The following PAK6 variants were observed in gnomAD, a reference collection of about 807,000 sequenced individuals.
The protein encoded by PAK6 is p21 (RAC1) activated kinase 6.
PAK6 carries 33 observed loss-of-function variants against 60.8 expected under a neutral mutation model. The observed-to-expected ratio is 0.54, with a 90% CI of 0.41 to 0.73. The LOEUF is 0.73. Ranked by LOEUF, PAK6 falls within the 30% of genes least tolerant of loss-of-function variation. The pLI is 0.00. For missense variants in PAK6, 845 were observed against 904.1 expected (o/e 0.93, Z 0.84); for synonymous variants, 404 against 378.5 (o/e 1.07, Z -0.78).
intron 5 of PAK6, among the ~76,000 whole-genome samples, chr15:40,269,657 A>G (rs1951006738): frequency 6.6e-6 from 1 of 152,134 alleles, no homozygotes; most frequent in Non-Finnish European, 1.5e-5. Flanking sequence ...AAGCCAACGA[A>G]AGGATGCTAG....
At chr15:40,266,153 G>A in exon 5 of PAK6, 1 of 1,609,154 alleles carries the variant, frequency 6.2e-7, no homozygotes, top group South Asian at 1.1e-5. Context: ...TGCCCAATGG[G>A]CTGGCTGCAA....
chr15:40,268,638 AG>A (rs1226476750), intron 5 of PAK6, among the ~76,000 whole-genome samples: 1 of 152,182 alleles, frequency 6.6e-6, no homozygotes, highest in Non-Finnish European at 1.5e-5. Flanking sequence ...TGGCTGCAGG[AG>A]GGTCTGAGTA....
chr15:40,264,595 C>A, intron 3 of PAK6, 186 bp from the exon 4 acceptor site: 1 of 638,524 alleles, frequency 1.6e-6, no homozygotes, highest in Non-Finnish European at 2.8e-6. Context: ...TTTGTTGTTT[C>A]TGGGACTGTT....
At chr15:40,253,082 G>C in intron 2 of PAK6, 96 bp from the exon 3 acceptor site, 1 of 404,040 alleles carries the variant, frequency 2.5e-6, no homozygotes, top group East Asian at 7.4e-5. Context: ...GGCGGGCGCG[G>C]AGCGGTTCCC....
At chr15:40,276,393 A>C in exon 11 of PAK6, 5 of 338,842 alleles carry the variant, frequency 1.5e-5, no homozygotes, top group Admixed American at 4.5e-5. Context: ...TGCAGCCAAC[A>C]CAGTAGAAAA....
intron 3 of PAK6, among the ~76,000 whole-genome samples, chr15:40,258,314 A>G (rs75293358): frequency 6.6e-6 from 1 of 152,198 alleles, no homozygotes; most frequent in East Asian, 1.9e-4. Flanking sequence ...GAAGAACCAC[A>G]GCTGACTCAG....
At chr15:40,254,639 C>T (rs963048554) in intron 3 of PAK6, among the ~76,000 whole-genome samples, 13 of 152,160 alleles carry the variant, frequency 8.5e-5, no homozygotes, top group Admixed American at 2.6e-4. Context: ...CTGTGTGATC[C>T]AGAGCAGGTC....
chr15:40,273,458 A>G (rs1443856744), exon 8 of PAK6: 1 of 1,613,288 alleles, frequency 6.2e-7, no homozygotes, highest in South Asian at 1.1e-5. Context: ...CATCCTGCTG[A>G]CCCTCGATGG....
chr15:40,250,320 A>G (rs925087681), intron 2 of PAK6, among the ~76,000 whole-genome samples: 2 of 152,136 alleles, frequency 1.3e-5, no homozygotes, highest in African/African-American at 4.8e-5. Flanking sequence ...GGATCGTGCA[A>G]CCCGGTGCAG....
At chr15:40,267,802 G>A (rs1167462657) in intron 5 of PAK6, among the ~76,000 whole-genome samples, 10 of 152,218 alleles carry the variant, frequency 6.6e-5, no homozygotes, top group Non-Finnish European at 1.5e-5. Context: ...CAGGGTGTCT[G>A]GAAGGCTGTG....
chr15:40,262,420 C>G (rs1413182767), intron 3 of PAK6, among the ~76,000 whole-genome samples: 1 of 152,192 alleles, frequency 6.6e-6, no homozygotes, highest in Non-Finnish European at 1.5e-5. Context: ...AAGAGAATCA[C>G]TTGAACCCGG....
intron 10 of PAK6, 56 bp downstream of exon 10, chr15:40,274,332 GGACC>G: frequency 6.6e-7 from 1 of 1,515,900 alleles, no homozygotes; most frequent in South Asian, 1.3e-5. Flanking sequence ...TGAGGCAAGG[GGACC>G]AGAACCTGGG....
At chr15:40,264,945 G>A (rs147960311) in exon 4 of PAK6, 4 of 1,613,604 alleles carry the variant, frequency 2.5e-6, no homozygotes, top group Admixed American at 3.3e-5. Context: ...CAAGCCCGTG[G>A]TGGACCCTTC....
chr15:40,259,782 G>C (rs1461912923), intron 3 of PAK6: 1 of 33,928 alleles, frequency 2.9e-5, no homozygotes, highest in Non-Finnish European at 5.5e-5. Context: ...GTGAAACGCT[G>C]TCTCAAAAAA....
chr15:40,265,959 CGGCGGCG>C lies in PAK6; in HGVS notation c.326_332del (p.Arg109HisfsTer107). 6.2e-7 allele frequency: 1 copy of C among 1,605,138 alleles called. No homozygotes were observed. The highest frequency in any genetic ancestry group is 1.1e-5 in the South Asian group (1 of 90,102). ...CCTGCGTGGCCGCAGCCCCACCAGCCGGCGGCGGGCACAGTCCCTGGGGCTGCTGGGG... is the reference window on the plus strand; with the variant it reads ...CCTGCGTGGCCGCAGCCCCACCAGCCGGCACAGTCCCTGGGGCTGCTGGGG... On this transcript the variant is annotated frameshift_variant, in exon 5 of 11. Transcript: ENST00000560346. LOFTEE classifies it high-confidence loss of function.
intron 3 of PAK6, 38 bp downstream of exon 3, chr15:40,253,327 G>A (rs1455334705): frequency 2.2e-6 from 1 of 453,494 alleles, no homozygotes; most frequent in Non-Finnish European, 4.4e-6. Context: ...AGAGCCTTCT[G>A]CACCCATTTT....
intron 3 of PAK6, among the ~76,000 whole-genome samples, chr15:40,255,288 A>C (rs775327645): frequency 6.6e-6 from 1 of 152,206 alleles, no homozygotes; most frequent in African/African-American, 2.4e-5. Flanking sequence ...GCAGCCCATT[A>C]TCTCTCCCCT....
At chr15:40,244,086 C>T (rs2038431222) in intron 2 of PAK6, among the ~76,000 whole-genome samples, 1 of 152,184 alleles carries the variant, frequency 6.6e-6, no homozygotes, top group South Asian at 2.1e-4. Context: ...AATCCCAGCA[C>T]TTTGGGAGGC....
chr15:40,241,224 C>T lies in PAK6; in HGVS notation c.-118+543C>T, dbSNP rs190858024. Among the ~76,000 whole-genome samples, 577 of 152,308 alleles carry T rather than the reference C, an allele frequency of 3.8e-3. 4 individuals carry two copies. The highest frequency in any genetic ancestry group is 0.013 in the African/African-American group (541 of 41,554). ...ATGACCTGGTCAGCTTTGGGGACATCGGGCCCAGTGAGCTCGGGTTTATAA... is the reference window on the plus strand; with the variant it reads ...ATGACCTGGTCAGCTTTGGGGACATTGGGCCCAGTGAGCTCGGGTTTATAA... On this transcript the variant is annotated intron_variant, in intron 2 of 10. Coordinates refer to ENST00000560346, the Ensembl canonical transcript of PAK6.
Sources: gnomAD v4.1 joint callset for allele counts (sites outside exome capture counted in the v4.1 genomes callset) on GRCh38, gnomAD v4.1.1 for gene constraint, MANE v1.5 for transcripts, NCBI Gene and HGNC (gene_info 2026-07-23, HGNC 2026-07-21) for gene names.